Variants in SH3RF2 observed in about 807,000 individuals in gnomAD.
SH3RF2 encodes the protein SH3 domain containing ring finger 2.
A neutral mutation model predicts 59.0 loss-of-function variants in SH3RF2; 43 were observed. That is an observed-to-expected ratio of 0.73 (90% CI 0.57 to 0.94). The LOEUF (loss-of-function observed/expected upper bound fraction) is 0.94. Ranked by LOEUF, SH3RF2 falls within the 40% of genes least tolerant of loss-of-function variation. SH3RF2 has a pLI of 0.00. For synonymous variants in SH3RF2, 391 were observed against 391.5 expected (o/e 1.00, Z 0.01); for missense variants, 930 against 940.1 (o/e 0.99, Z 0.14).
At chr5:146,013,705 A>G (rs752293501) in intron 4 of SH3RF2, 42 bp from the exon 5 acceptor site, 6 of 1,608,756 alleles carry the variant, frequency 3.7e-6, no homozygotes, top group South Asian at 2.2e-5. Flanking sequence ...CTCACATTAG[A>G]TCAGGAAGAC....
chr5:145,964,866 T>G (rs2149957204), intron 2 of SH3RF2, among the ~76,000 whole-genome samples: 1 of 152,270 alleles, frequency 6.6e-6, no homozygotes, highest in South Asian at 2.1e-4. Flanking sequence ...TCGTAGGCTT[T>G]TGTTATTTCT....
At chr5:145,997,652 T>A in intron 2 of SH3RF2, 2 of 1,572,746 alleles carry the variant, frequency 1.3e-6, no homozygotes, top group Non-Finnish European at 1.7e-6. Flanking sequence ...TATGAGCAAC[T>A]GTTTGCTACC....
At chr5:146,076,527 A>T (rs1265947366) in intron 9 of SH3RF2, among the ~76,000 whole-genome samples, 1 of 152,124 alleles carries the variant, frequency 6.6e-6, no homozygotes, top group East Asian at 1.9e-4. Flanking sequence ...ATAACTCCAA[A>T]TCCTGTGTAA....
At chr5:145,986,905 T>C (rs1247646336) in intron 2 of SH3RF2, among the ~76,000 whole-genome samples, 1 of 152,176 alleles carries the variant, frequency 6.6e-6, no homozygotes, top group African/African-American at 2.4e-5. Context: ...CCTTCCCTTT[T>C]CCCTGCTGCA....
chr5:146,004,223 G>C, intron 4 of SH3RF2, 70 bp downstream of exon 4: 1 of 1,256,524 alleles, frequency 8.0e-7, no homozygotes, highest in Non-Finnish European at 1.1e-6. Context: ...AGTGATGCCT[G>C]AGAGCAATTC....
At position 145,936,689 on chromosome 5, in the gene SH3RF2, C is replaced by G. The variant is rs1406374654; in HGVS notation, c.-112C>G. ...AGCTGAACTCAGCAGAAGTTACATG[C>G]ACAAGGTTAGTGGCCCCCACACGCC... On this transcript the variant is annotated 5_prime_UTR_variant, in exon 1 of 10. Transcript: ENST00000359120. 6.6e-6 allele frequency: 1 copy of G among 152,344 alleles called. No individual in the cohort carries two copies. The highest frequency in any genetic ancestry group is 1.5e-5 in the Non-Finnish European group (1 of 68,124). 9.4% of individuals were successfully genotyped at this position (152,344 alleles called of 1,614,324 possible).
At chr5:146,038,417 T>C (rs1344522230) in intron 5 of SH3RF2, among the ~76,000 whole-genome samples, 1 of 152,208 alleles carries the variant, frequency 6.6e-6, no homozygotes, top group Non-Finnish European at 1.5e-5. Flanking sequence ...TACTATTGTC[T>C]ATATAGAGAA....
chr5:146,000,417 A>G (rs1322617854), intron 3 of SH3RF2, 90 bp downstream of exon 3: 2 of 1,166,292 alleles, frequency 1.7e-6, no homozygotes. Context: ...GCTGATTTTA[A>G]AAAATTGTAT....
chr5:146,022,808 G>T (rs748309674), intron 5 of SH3RF2, among the ~76,000 whole-genome samples: 2 of 151,374 alleles, frequency 1.3e-5, no homozygotes, highest in African/African-American at 4.9e-5. Context: ...GGAGGCAGAG[G>T]TTGCAGTGAG....
At chr5:145,977,031 T>C (rs1759320876) in intron 2 of SH3RF2, among the ~76,000 whole-genome samples, 1 of 152,260 alleles carries the variant, frequency 6.6e-6, no homozygotes, top group South Asian at 2.1e-4. Flanking sequence ...CATGTGCTCA[T>C]GCCAGCTCAT....
At chr5:145,975,910 A>C (rs935033389) in intron 2 of SH3RF2, among the ~76,000 whole-genome samples, 2 of 152,236 alleles carry the variant, frequency 1.3e-5, no homozygotes, top group Non-Finnish European at 2.9e-5. Context: ...GAGATAGTAC[A>C]TTAAGACATG....
At chr5:146,007,447 G>A (rs1760692679) in intron 4 of SH3RF2, among the ~76,000 whole-genome samples, 2 of 152,148 alleles carry the variant, frequency 1.3e-5, no homozygotes, top group African/African-American at 4.8e-5. Context: ...GGTAGGAGTG[G>A]AAGTTAGGAT....
chr5:146,034,714 A>G (rs1030502500), intron 5 of SH3RF2, among the ~76,000 whole-genome samples: 4 of 152,192 alleles, frequency 2.6e-5, no homozygotes, highest in Admixed American at 6.5e-5. Context: ...CACGCCAACA[A>G]GAAGGTATCA....
chr5:146,028,589 G>A (rs13180759), intron 5 of SH3RF2, among the ~76,000 whole-genome samples: 44,012 of 151,998 alleles, frequency 0.29, 7,739 homozygotes, highest in Non-Finnish European at 0.38. Flanking sequence ...ACTGATGCCT[G>A]TAGCACCCAC....
At chr5:146,062,213 G>C (rs964555564) in intron 9 of SH3RF2, among the ~76,000 whole-genome samples, 1 of 152,138 alleles carries the variant, frequency 6.6e-6, no homozygotes, top group African/African-American at 2.4e-5. Context: ...CTTCTGGGAA[G>C]ACTTCCCTGG....
rs1267059681 is a variant in SH3RF2 at position 146,013,762 on chromosome 5, A to G, written c.760A>G (p.Arg254Gly). 1 of 1,613,894 alleles carries G rather than the reference A, an allele frequency of 6.2e-7. No individual in the cohort carries two copies. The highest frequency in any genetic ancestry group is 8.5e-7 in the Non-Finnish European group (1 of 1,179,980). Residue 254 changes from arginine to glycine, a missense_variant, in exon 5 of 10, where the codon AGA becomes GGA. Transcript: ENST00000359120. The stretch of plus-strand genomic sequence containing the variant: ...GTCTTTTCAGCCAAACCTCACCGCA[A>G]GACACCTTTTAGAGAAGAACAAAGG... ...ILFVEPNLTA[R>G]HLLEKNKGRQ...
At chr5:146,064,769 AGG>A (rs1763038285), downstream of SH3RF2, among the ~76,000 whole-genome samples, 5 of 30,046 alleles carry the variant, frequency 1.7e-4, no homozygotes, top group Admixed American at 3.2e-4. Flanking sequence ...GAAGGAAGGA[AGG>A]AAGGAAAGGA....
chr5:145,999,480 G>A (rs1308592619), intron 2 of SH3RF2, among the ~76,000 whole-genome samples: 1 of 152,170 alleles, frequency 6.6e-6, no homozygotes, highest in African/African-American at 2.4e-5. Flanking sequence ...CTTTAGTCAT[G>A]CCTTCCTCAT....
At chr5:146,020,641 A>G (rs2149997511) in intron 5 of SH3RF2, among the ~76,000 whole-genome samples, 1 of 152,310 alleles carries the variant, frequency 6.6e-6, no homozygotes, top group Admixed American at 6.5e-5. Flanking sequence ...TAGAACATAT[A>G]ACACCCTCTT....
Sources: gnomAD v4.1 joint callset for allele counts (sites outside exome capture counted in the v4.1 genomes callset) on GRCh38, gnomAD v4.1.1 for gene constraint, MANE v1.5 for transcripts, NCBI Gene and HGNC (gene_info 2026-07-23, HGNC 2026-07-21) for gene names.